The following KCNT1 variants were observed in gnomAD, a reference collection of about 807,000 sequenced individuals.
KCNT1 encodes potassium channel subfamily T member 1.
A neutral mutation model predicts 147.8 loss-of-function variants in KCNT1; 78 were observed. The ratio of observed to expected loss-of-function variants is 0.53; its 90% CI spans 0.44 to 0.64. KCNT1 has a LOEUF of 0.64. Ranked by LOEUF, KCNT1 falls within the 30% of genes least tolerant of loss-of-function variation. The probability of loss-of-function intolerance (pLI) is 0.00; values close to 1 mark genes in which losing one functional copy is unlikely to be tolerated. For missense variants in KCNT1, 1,419 were observed against 1,750.3 expected (o/e 0.81, Z 3.38); for synonymous variants, 867 against 748.8 (o/e 1.16, Z -2.58).
chr9:135,750,528 A>G (rs964182782), intron 3 of KCNT1: 103 of 427,314 alleles, frequency 2.4e-4, no homozygotes, highest in Admixed American at 2.8e-4. Flanking sequence ...ACCCCTCCAT[A>G]CAGCCCCACC....
chr9:135,768,952 C>T lies in KCNT1; in HGVS notation c.1510+15C>T, dbSNP rs1416512239. On this transcript the variant is annotated intron_variant, in intron 15 of 30. Transcript: ENST00000371757. ...CAAGTTTGCTGGTGCGTCTGGGGCA[C>T]ACGTGGGTGATGGTGTATCTGGGGC... The T allele has an allele frequency of 2.1e-5, 34 of 1,589,542 alleles. No homozygotes were observed. The highest frequency in any genetic ancestry group is 2.8e-5 in the Non-Finnish European group (33 of 1,162,462).
chr9:135,727,797 G>T (rs1408054499), intron 2 of KCNT1, among the ~76,000 whole-genome samples: 5 of 152,236 alleles, frequency 3.3e-5, no homozygotes, highest in Admixed American at 2.6e-4. Context: ...GAGAGCGTGG[G>T]TCTGTGCCAG....
rs1419903862 is a variant in KCNT1 at position 135,714,546 on chromosome 9, C to G, written c.111-31C>G. The G allele has an allele frequency of 9.3e-7, 1 of 1,072,590 alleles. No individual in the cohort carries two copies. Among genetic ancestry groups the G allele is most frequent in the Non-Finnish European group, 1.1e-6 (1 of 886,240 alleles). 66.4% of individuals were successfully genotyped at this position (1,072,590 alleles called of 1,614,324 possible). On this transcript the variant is annotated intron_variant, in intron 1 of 30. Coordinates refer to ENST00000371757, the MANE Select transcript of KCNT1 (RefSeq NM_020822.3). This position sits in a 1 kb window ranked among gnomAD's most constrained non-coding sequence, Gnocchi z 6.2. The stretch of plus-strand genomic sequence containing the variant: ...CGCGCGTCCGCGAGGGCGCCCGACG[C>G]GGGCTGAGGGGCGCTGGCGTGTGCC...
intron 29 of KCNT1, 85 bp from the exon 30 acceptor site, chr9:135,791,712 T>C (rs1834542992): frequency 8.6e-7 from 1 of 1,168,486 alleles, no homozygotes; most frequent in Admixed American, 1.8e-5. Context: ...CAGCTCATCC[T>C]GGAGCCCCCA....
At position 135,768,258 on chromosome 9, in the gene KCNT1, CACTGGGATACCGGTG is replaced by C. The variant is rs1564366482; in HGVS notation, c.1338-351_1338-337del. 2.8e-3 allele frequency among the ~76,000 whole-genome samples: 7 copies of C among 2,502 alleles called. 1 individual carries two copies. The highest frequency in any genetic ancestry group is 5.2e-3 in the Non-Finnish European group (5 of 954). The allele number at this position is 2,502 out of a possible 152,430, so 1.6% of individuals were successfully genotyped here. On this transcript the variant is annotated intron_variant, in intron 13 of 30. Transcript: ENST00000371757. Reference sequence around the variant, plus strand: ...ATGCCTGCGGGGGGGGGGGGGGGGGCACTGGGATACCGGTGGGGGGGGCACAGGGATGCCTGCTGG... The same window carrying C: ...ATGCCTGCGGGGGGGGGGGGGGGGGCGGGGGGGCACAGGGATGCCTGCTGG...
rs1373310997 is a variant in KCNT1, at chr9:135,742,089, G to A, written c.255-8009G>A. The stretch of plus-strand genomic sequence containing the variant: ...AGGTTGCCTGGGGCCAGGCTGAAGG[G>A]GTAGCAGGTGTGTGGCTGCTGGCGT... On this transcript the variant is annotated intron_variant, in intron 2 of 30. Coordinates refer to ENST00000371757, the MANE Select transcript of KCNT1 (RefSeq NM_020822.3). 2.0e-5 allele frequency among the ~76,000 whole-genome samples: 3 copies of A among 152,198 alleles called. No individual in the cohort carries two copies. In the East Asian group the frequency reaches 5.8e-4, roughly 29 times the overall value.
intron 29 of KCNT1, among the ~76,000 whole-genome samples, chr9:135,788,738 C>A (rs1834263959): frequency 6.6e-6 from 1 of 152,206 alleles, no homozygotes; most frequent in Non-Finnish European, 1.5e-5. Context: ...AGCTGGGGCT[C>A]CACGAGGGGA....
Position 135,759,688 on chromosome 9 carries a change from C to T in KCNT1, c.864C>T (p.Gly288=), listed in dbSNP as rs904198731. 3.7e-6 allele frequency: 6 copies of T among 1,605,490 alleles called. No homozygotes were observed. Among genetic ancestry groups the T allele is most frequent in the Non-Finnish European group, 5.1e-6 (6 of 1,174,934 alleles). Residue 288 remains glycine (G), a synonymous_variant, in exon 11 of 31, where the codon GGC becomes GGT. Coordinates refer to ENST00000371757, the MANE Select transcript of KCNT1 (RefSeq NM_020822.3). ...CTGCCAGGGGTTGCAGGACCTGCGG[C>T]ATCCAGCACCTGGAGCGGGCGGGCG... The part of the protein sequence containing the change: ...LLCLVFTGTC[G]IQHLERAGEN...
At chr9:135,770,262 A>C in intron 16 of KCNT1, 36 bp from the exon 17 acceptor site, 1 of 1,558,010 alleles carries the variant, frequency 6.4e-7, no homozygotes, top group Non-Finnish European at 8.7e-7. Flanking sequence ...GCCATGGCCG[A>C]GGGTGACGCT....
chr9:135,737,933 C>T (rs1564333156), intron 2 of KCNT1, among the ~76,000 whole-genome samples: 4 of 152,054 alleles, frequency 2.6e-5, no homozygotes, highest in Admixed American at 2.0e-4. Flanking sequence ...GCCAGGGAGG[C>T]GAGCACTGGC....
Position 135,770,425 on chromosome 9 carries a change from G to A in KCNT1, c.1747G>A (p.Ala583Thr), listed in dbSNP as rs200110001. The A allele has an allele frequency of 9.3e-6, 15 of 1,612,562 alleles. No homozygotes were observed. The highest frequency in any genetic ancestry group is 2.2e-5 in the East Asian group (1 of 44,876). Residue 583 changes from alanine (A) to threonine (T), a missense_variant, in exon 17 of 31, where the codon GCG becomes ACG. Around this residue, in one of 5 missense-constraint regions of KCNT1, gnomAD observed 284 missense variants for 292.8 expected, o/e 0.97. Transcript: ENST00000371757. Reference sequence around the variant, plus strand: ...GTACGAGGGCAAGAGCTTCACCTACGCGGCCTTCCACGCCCACAAGAAGTA... The same window carrying A: ...GTACGAGGGCAAGAGCTTCACCTACACGGCCTTCCACGCCCACAAGAAGTA... ...REYEGKSFTY[A>T]AFHAHKKYGV...
intron 2 of KCNT1, among the ~76,000 whole-genome samples, chr9:135,726,990 CCT>C (rs1836196886): frequency 8.4e-5 from 5 of 59,248 alleles, no homozygotes; most frequent in African/African-American, 3.2e-4. Context: ...TCTCTCTCTC[CCT>C]CTCTCCCTCT....
intron 2 of KCNT1, among the ~76,000 whole-genome samples, chr9:135,734,288 G>T (rs1340370906): frequency 1.3e-5 from 2 of 152,166 alleles, no homozygotes; most frequent in African/African-American, 2.4e-5. Context: ...TGGGGCCCCA[G>T]CCCACCTTCC....
At chr9:135,731,981 T>TAGAG (rs1836469804) in intron 2 of KCNT1, among the ~76,000 whole-genome samples, 7 of 26,564 alleles carry the variant, frequency 2.6e-4, no homozygotes, top group East Asian at 1.6e-3. Context: ...TATATATATA[T>TAGAG]ATATATATAT....
rs778538243 is a variant in KCNT1 at position 135,759,860 on chromosome 9, G to A, written c.1035+1G>A. On this transcript the variant is annotated splice_donor_variant, in intron 11 of 30. Transcript: ENST00000371757. LOFTEE classifies it high-confidence loss of function. Reference sequence around the variant, plus strand: ...GGCCCTCGTGGTGCTCCCACTGCAGGTGGGTCCTCTGGGCACCAGCCCTGG... The same window carrying A: ...GGCCCTCGTGGTGCTCCCACTGCAGATGGGTCCTCTGGGCACCAGCCCTGG... 1 of 1,599,658 alleles carries A rather than the reference G, an allele frequency of 6.3e-7. No homozygotes were observed.
At chr9:135,703,935 G>A (rs1296541235) in intron 1 of KCNT1, among the ~76,000 whole-genome samples, 1 of 152,252 alleles carries the variant, frequency 6.6e-6, no homozygotes, top group Non-Finnish European at 1.5e-5. Flanking sequence ...GAGATTCCCT[G>A]TCACACTGCA....
At chr9:135,702,602 C>T (rs767871200) in intron 1 of KCNT1, among the ~76,000 whole-genome samples, 3 of 152,164 alleles carry the variant, frequency 2.0e-5, no homozygotes, top group Non-Finnish European at 2.9e-5. Flanking sequence ...CTGTCCTCGA[C>T]CTGGTAAGAA....
At chr9:135,721,550 C>T (rs1827595487) in intron 2 of KCNT1, among the ~76,000 whole-genome samples, 1 of 152,188 alleles carries the variant, frequency 6.6e-6, no homozygotes. Context: ...GCCGGCCATG[C>T]GCATACCAGG....
chr9:135,788,295 C>G, intron 29 of KCNT1: 1 of 787,048 alleles, frequency 1.3e-6, no homozygotes, highest in Non-Finnish European at 2.2e-6. Flanking sequence ...GGTGTCAGCC[C>G]AGGCGGCCCT....
Sources: allele counts gnomAD v4.1 joint callset (sites outside exome capture counted in the v4.1 genomes callset), GRCh38; gene constraint gnomAD v4.1.1; regional missense constraint gnomAD v4.1.1; non-coding constraint Gnocchi (gnomAD v3.1); transcripts MANE v1.5; gene names NCBI Gene and HGNC (gene_info 2026-07-23, HGNC 2026-07-21).